The following NDUFS4 variants were observed in gnomAD, a reference collection of about 807,000 sequenced individuals.
NDUFS4 encodes the protein NADH dehydrogenase [ubiquinone] iron-sulfur protein 4, mitochondrial.
A neutral mutation model predicts 24.3 loss-of-function variants in NDUFS4; 28 were observed. That is an observed-to-expected ratio of 1.15 (90% confidence interval 0.85 to 1.58). The LOEUF is 1.58. NDUFS4 is among the 40% of genes most tolerant of loss of function. The probability of loss-of-function intolerance (pLI) is 0.00; values close to 1 mark genes in which losing one functional copy is unlikely to be tolerated. For synonymous variants in NDUFS4, 93 were observed against 69.7 expected (o/e 1.34, Z -1.67); for missense variants, 223 against 207.9 (o/e 1.07, Z -0.45).
In NDUFS4 at chr5:53,642,665, T is replaced by C. The variant is rs565924388; in HGVS notation, c.178-3568T>C. Among the ~76,000 whole-genome samples, 23 of 152,256 alleles carry C rather than the reference T, an allele frequency of 1.5e-4. No individual in the cohort carries two copies. In the East Asian group the frequency reaches 1.9e-3, roughly 13 times the overall value. The stretch of plus-strand genomic sequence containing the variant: ...ATGGAGACAGTTGATAACCGAATCA[T>C]ACAGTTTTAATATGGAAAACTAGTA... On this transcript the variant is annotated intron_variant, in intron 2 of 4. Transcript: ENST00000296684.
intron 1 of NDUFS4, among the ~76,000 whole-genome samples, chr5:53,587,012 C>T (rs1056625579): frequency 2.0e-5 from 3 of 151,878 alleles, no homozygotes; most frequent in African/African-American, 7.3e-5. Flanking sequence ...TTAGTGGAGA[C>T]GGGGTTTCAC....
At chr5:53,675,388 T>C (rs1462399015) in intron 4 of NDUFS4, among the ~76,000 whole-genome samples, 1 of 152,018 alleles carries the variant, frequency 6.6e-6, no homozygotes, top group East Asian at 1.9e-4. Flanking sequence ...GTTCTCGATT[T>C]CCTGACCTCG....
intron 3 of NDUFS4, among the ~76,000 whole-genome samples, chr5:53,657,651 A>C (rs1043382824): frequency 3.3e-5 from 5 of 152,124 alleles, no homozygotes; most frequent in African/African-American, 1.2e-4. Flanking sequence ...TGGGGTGGGC[A>C]CAGTGGCTCA....
chr5:53,589,425 A>G (rs538653273), intron 1 of NDUFS4, among the ~76,000 whole-genome samples: 2 of 152,330 alleles, frequency 1.3e-5, no homozygotes, highest in African/African-American at 4.8e-5. Context: ...AACTCAGACT[A>G]ACTACTGTTG....
intron 1 of NDUFS4, among the ~76,000 whole-genome samples, chr5:53,575,875 A>C (rs747123875): frequency 6.6e-6 from 1 of 152,082 alleles, no homozygotes; most frequent in Non-Finnish European, 1.5e-5. Flanking sequence ...TTGATTCTCA[A>C]CTGTGGTGGG....
chr5:53,586,503 AGTT>A (rs759926740), intron 1 of NDUFS4, among the ~76,000 whole-genome samples: 1 of 138,472 alleles, frequency 7.2e-6, no homozygotes, highest in African/African-American at 2.9e-5. Context: ...TTGTTTAGTT[AGTT>A]AGTTAGTTTG....
intron 2 of NDUFS4, among the ~76,000 whole-genome samples, chr5:53,639,846 A>G (rs1561380120): frequency 2.0e-5 from 3 of 152,152 alleles, no homozygotes; most frequent in Non-Finnish European, 4.4e-5. Flanking sequence ...CTAAAAGATA[A>G]CTATTGAGTT....
intron 2 of NDUFS4, among the ~76,000 whole-genome samples, chr5:53,618,975 G>T (rs1750941046): frequency 6.6e-6 from 1 of 151,714 alleles, no homozygotes; most frequent in Non-Finnish European, 1.5e-5. Flanking sequence ...TTAGCTGGTC[G>T]TGGGGTCACG....
At chr5:53,577,566 T>C (rs1579827734) in intron 1 of NDUFS4, among the ~76,000 whole-genome samples, 1 of 152,060 alleles carries the variant, frequency 6.6e-6, no homozygotes, top group Non-Finnish European at 1.5e-5. Context: ...ACTTTAGATA[T>C]ATTGTTTCAT....
chr5:53,579,634 T>C (rs1356089528), intron 1 of NDUFS4, among the ~76,000 whole-genome samples: 1 of 152,212 alleles, frequency 6.6e-6, no homozygotes. Context: ...GAGGATTGCT[T>C]GAGCCTAGAA....
intron 4 of NDUFS4, among the ~76,000 whole-genome samples, chr5:53,660,152 C>G (rs529530872): frequency 8.7e-6 from 1 of 115,070 alleles, no homozygotes; most frequent in African/African-American, 3.3e-5. Context: ...TGTCCCTCCC[C>G]CCACCCCACA....
At chr5:53,658,274 T>C (rs1326114133) in intron 3 of NDUFS4, among the ~76,000 whole-genome samples, 3 of 152,196 alleles carry the variant, frequency 2.0e-5, no homozygotes, top group African/African-American at 7.2e-5. Context: ...AAAATTCATC[T>C]CAAATTGTTT....
At chr5:53,663,345 GTT>G (rs1244866693) in intron 4 of NDUFS4, among the ~76,000 whole-genome samples, 2 of 152,110 alleles carry the variant, frequency 1.3e-5, no homozygotes, top group African/African-American at 4.8e-5. Context: ...TGTCTATTAG[GTT>G]TGCTTGGTGC....
intron 2 of NDUFS4, among the ~76,000 whole-genome samples, chr5:53,626,078 G>A (rs551565258): frequency 4.6e-5 from 7 of 151,820 alleles, no homozygotes; most frequent in South Asian, 4.2e-4. Flanking sequence ...GATGTTCCCC[G>A]CCCTGTGTCC....
intron 1 of NDUFS4, among the ~76,000 whole-genome samples, chr5:53,572,079 G>A (rs545872900): frequency 6.6e-6 from 1 of 152,152 alleles, no homozygotes; most frequent in Non-Finnish European, 1.5e-5. Flanking sequence ...AATATCCAAA[G>A]AAACAGTTAA....
chr5:53,635,852 G>T (rs1172970400), intron 2 of NDUFS4, among the ~76,000 whole-genome samples: 1 of 151,686 alleles, frequency 6.6e-6, no homozygotes, highest in Admixed American at 6.6e-5. Flanking sequence ...GGGAAAAATT[G>T]TATCTTATAT....
intron 4 of NDUFS4, among the ~76,000 whole-genome samples, chr5:53,663,361 GCTGAGTTCAATTC>G (rs932580435): frequency 2.0e-5 from 3 of 152,142 alleles, no homozygotes; most frequent in African/African-American, 7.2e-5. Context: ...TTGGTGCAGA[GCTGAGTTCAATTC>G]CTGGGTATCC....
chr5:53,625,557 T>C (rs111592547), intron 2 of NDUFS4, among the ~76,000 whole-genome samples: 64 of 152,324 alleles, frequency 4.2e-4, no homozygotes, highest in African/African-American at 1.3e-3. Context: ...TTTTCCACTA[T>C]GTAGTGCAAT....
chr5:53,620,828 T>C (rs1751011962), intron 2 of NDUFS4, among the ~76,000 whole-genome samples: 1 of 152,196 alleles, frequency 6.6e-6, no homozygotes, highest in African/African-American at 2.4e-5. Context: ...GATTTCAATT[T>C]TCAGATTTCT....
Sources: allele counts gnomAD v4.1 joint callset (sites outside exome capture counted in the v4.1 genomes callset), GRCh38; gene constraint gnomAD v4.1.1; transcripts MANE v1.5; gene names NCBI Gene and HGNC (gene_info 2026-07-23, HGNC 2026-07-21).